Variants in NRG1 observed in about 807,000 individuals in gnomAD.
NRG1 encodes neuregulin 1.
Under a neutral mutation model 63.8 loss-of-function variants are expected in NRG1, and 18 were observed. That is an observed-to-expected ratio of 0.28 (90% CI 0.19 to 0.42). The LOEUF is 0.42. Among genes scored for constraint, NRG1 ranks in the 10% least tolerant of loss-of-function variants. The pLI, the probability that NRG1 is intolerant of heterozygous loss-of-function variation, is 1.00. For missense variants in NRG1, 762 were observed against 814.7 expected (o/e 0.94, Z 0.79); for synonymous variants, 302 against 301.3 (o/e 1.00, Z -0.02).
intron 3 of NRG1, among the ~76,000 whole-genome samples, chr8:32,612,583 A>C (rs1274668489): frequency 6.6e-6 from 1 of 151,992 alleles, no homozygotes; most frequent in Non-Finnish European, 1.5e-5. Flanking sequence ...CTGTTCTGGT[A>C]TTTTTAGGTA....
At position 31,715,564 on chromosome 8, in the gene NRG1, C is replaced by A. The variant is rs145927039; in HGVS notation, c.37+76133C>A. The stretch of plus-strand genomic sequence containing the variant: ...TAATAGTCTTCTATTTAAATTTGTT[C>A]TTAACAGTGCAATTTCTTATTTAAA... On this transcript the variant is annotated intron_variant, in intron 1 of 10. Coordinates refer to the NRG1 transcript ENST00000519301. Among the ~76,000 whole-genome samples, 448 of 152,108 alleles carry A rather than the reference C, an allele frequency of 2.9e-3. 1 individual carries two copies. The highest frequency in any genetic ancestry group is 8.8e-3 in the African/African-American group (367 of 41,516).
intron 1 of NRG1, among the ~76,000 whole-genome samples, chr8:32,390,631 A>G (rs1430290782): frequency 6.6e-6 from 1 of 151,502 alleles, no homozygotes; most frequent in African/African-American, 2.4e-5. Flanking sequence ...AAGAAGAAGA[A>G]GAAAAGAAAA....
chr8:32,338,855 G>A (rs1182631940), intron 1 of NRG1, among the ~76,000 whole-genome samples: 4 of 152,068 alleles, frequency 2.6e-5, no homozygotes, highest in African/African-American at 4.8e-5. Context: ...ATTGTCTTGA[G>A]CATTAAGCAT....
At chr8:31,840,025 CT>C (rs917050479) in intron 1 of NRG1, among the ~76,000 whole-genome samples, 3 of 152,098 alleles carry the variant, frequency 2.0e-5, no homozygotes, top group Non-Finnish European at 2.9e-5. Flanking sequence ...AGGAGCCTTC[CT>C]AAACCAAATG....
intron 1 of NRG1, among the ~76,000 whole-genome samples, chr8:31,644,005 T>G (rs887722217): frequency 2.0e-5 from 3 of 152,224 alleles, no homozygotes; most frequent in Admixed American, 6.5e-5. Flanking sequence ...AACATCTTTA[T>G]CAAATATTTA....
Position 31,851,570 on chromosome 8 carries a change from G to T in NRG1, c.37+212139G>T, listed in dbSNP as rs202186989. Among the ~76,000 whole-genome samples, 25 of 152,040 alleles carry T rather than the reference G, an allele frequency of 1.6e-4. No individual in the cohort carries two copies. The East Asian group carries it at 3.3e-3, about 20-fold the overall frequency. Reference sequence around the variant, plus strand: ...TGCAGTTTTTGCATTGTTGAAATTTGCCATTTGATATGGGAATACATTCTT... The same window carrying T: ...TGCAGTTTTTGCATTGTTGAAATTTTCCATTTGATATGGGAATACATTCTT... On this transcript the variant is annotated intron_variant, in intron 1 of 10. Coordinates refer to the NRG1 transcript ENST00000519301.
chr8:31,699,574 C>T (rs1810425260), intron 1 of NRG1, among the ~76,000 whole-genome samples: 1 of 152,144 alleles, frequency 6.6e-6, no homozygotes, highest in African/African-American at 2.4e-5. Flanking sequence ...GTGGTGTTTG[C>T]ACTTCATGCC....
chr8:32,192,450 G>A (rs1842585003), intron 1 of NRG1, among the ~76,000 whole-genome samples: 1 of 152,160 alleles, frequency 6.6e-6, no homozygotes, highest in East Asian at 1.9e-4. Flanking sequence ...CAACATGAAT[G>A]TAGTTAGGGG....
chr8:31,708,806 A>G (rs1010684804), intron 1 of NRG1, among the ~76,000 whole-genome samples: 1 of 152,088 alleles, frequency 6.6e-6, no homozygotes, highest in Admixed American at 6.5e-5. Context: ...GCCCTTTATT[A>G]CCATGACTCC....
At chr8:31,653,337 G>A (rs898057704) in intron 1 of NRG1, among the ~76,000 whole-genome samples, 1 of 151,936 alleles carries the variant, frequency 6.6e-6, no homozygotes. Flanking sequence ...GTTAGGGTAG[G>A]CTAACTGCAG....
chr8:31,981,478 T>C (rs1563644588), intron 1 of NRG1, among the ~76,000 whole-genome samples: 2 of 151,944 alleles, frequency 1.3e-5, no homozygotes, highest in Non-Finnish European at 2.9e-5. Flanking sequence ...AAAGAAGAAA[T>C]CTATAGAGTG....
chr8:32,038,006 A>G (rs778586332), intron 1 of NRG1, among the ~76,000 whole-genome samples: 36 of 152,040 alleles, frequency 2.4e-4, no homozygotes, highest in Non-Finnish European at 4.7e-4. Context: ...CTGCCTCCTT[A>G]GTTTTCCCAG....
intron 1 of NRG1, among the ~76,000 whole-genome samples, chr8:31,982,978 G>T (rs1306009499): frequency 6.6e-6 from 1 of 152,058 alleles, no homozygotes; most frequent in Non-Finnish European, 1.5e-5. Flanking sequence ...CCTCCATTAG[G>T]AGAAAGCTGT....
At chr8:31,867,152 T>C (rs947796945) in intron 1 of NRG1, among the ~76,000 whole-genome samples, 2 of 152,154 alleles carry the variant, frequency 1.3e-5, no homozygotes, top group African/African-American at 4.8e-5. Context: ...ATAAGAAAGA[T>C]GTTTCCTGCT....
intron 7 of NRG1, among the ~76,000 whole-genome samples, chr8:32,747,989 G>T (rs898430966): frequency 4.6e-5 from 7 of 151,856 alleles, no homozygotes; most frequent in African/African-American, 1.7e-4. Flanking sequence ...GCATGTGTTT[G>T]CATAAGAAAT....
chr8:32,668,441 T>G (rs2128889394), intron 5 of NRG1, among the ~76,000 whole-genome samples: 1 of 152,154 alleles, frequency 6.6e-6, no homozygotes, highest in South Asian at 2.1e-4. Flanking sequence ...AGTGTCAGGG[T>G]TGTGGTGGCC....
chr8:32,672,032 A>T (rs1448318703), intron 5 of NRG1, among the ~76,000 whole-genome samples: 1 of 142,124 alleles, frequency 7.0e-6, no homozygotes, highest in African/African-American at 2.5e-5. Flanking sequence ...CTATTCCGAT[A>T]TGTGTTTTTC....
chr8:32,193,342 A>T (rs1842673944), intron 1 of NRG1, among the ~76,000 whole-genome samples: 1 of 150,592 alleles, frequency 6.6e-6, no homozygotes, highest in African/African-American at 2.4e-5. Context: ...AATTCTCCTC[A>T]GTGTCAGGGT....
chr8:31,791,748 G>A (rs758813396), intron 1 of NRG1, among the ~76,000 whole-genome samples: 9 of 152,208 alleles, frequency 5.9e-5, no homozygotes, highest in Non-Finnish European at 1.2e-4. Context: ...ATGGCTGCCC[G>A]GGCAGTGTCA....
Sources: gnomAD v4.1 joint callset for allele counts (sites outside exome capture counted in the v4.1 genomes callset) on GRCh38, gnomAD v4.1.1 for gene constraint, MANE v1.5 for transcripts, NCBI Gene and HGNC (gene_info 2026-07-23, HGNC 2026-07-21) for gene names.